Variants in ZBTB20 observed in about 807,000 individuals in gnomAD.
The protein encoded by ZBTB20 is zinc finger and BTB domain containing 20, also known as zinc finger and BTB domain-containing protein 20.
In ZBTB20, 9 loss-of-function variants were observed where a neutral mutation model predicts 56.9. The ratio of observed to expected loss-of-function variants is 0.16; its 90% CI spans 0.10 to 0.28. The LOEUF is 0.28. Ranked by LOEUF, ZBTB20 falls within the 10% of genes least tolerant of loss-of-function variation. ZBTB20 has a pLI of 1.00. For missense variants in ZBTB20, 655 were observed against 1,003.0 expected, an observed-to-expected ratio of 0.65 and a Z score of 4.69; for synonymous variants, 417 against 420.7, an observed-to-expected ratio of 0.99 and a Z score of 0.11.
chr3:114,368,181 C>T lies in ZBTB20; in HGVS notation c.199+12036G>A, dbSNP rs550482679. Among the ~76,000 whole-genome samples, 3 of 152,232 alleles carry T rather than the reference C, an allele frequency of 2.0e-5. No homozygotes were observed. The South Asian group carries it at 6.2e-4, about 32-fold the overall frequency. On this transcript the variant is annotated intron_variant, in intron 10 of 11. Transcript: ENST00000675478. ...ATGAGATGCATACTATTTTTATTCT[C>T]ATTATGCAATTATGCACATGAGGAA...
At chr3:114,851,339 T>C (rs2074990033) in intron 4 of ZBTB20, among the ~76,000 whole-genome samples, 1 of 152,190 alleles carries the variant, frequency 6.6e-6, no homozygotes. Context: ...ATACACACAA[T>C]TTATTTATTT....
chr3:114,938,049 C>T (rs183838805), intron 3 of ZBTB20, among the ~76,000 whole-genome samples: 11 of 151,880 alleles, frequency 7.2e-5, no homozygotes, highest in African/African-American at 1.2e-4. Flanking sequence ...ACCCAGGAGG[C>T]GGAGCTTGCA....
intron 2 of ZBTB20, among the ~76,000 whole-genome samples, chr3:115,053,294 T>C (rs79845787): frequency 0.031 from 4,788 of 152,308 alleles, 102 homozygotes; most frequent in Non-Finnish European, 0.053. Context: ...AACAGTTTCT[T>C]GTTTGTTTGT....
At chr3:114,358,271 CT>C (rs1272960712) in intron 10 of ZBTB20, among the ~76,000 whole-genome samples, 5 of 152,130 alleles carry the variant, frequency 3.3e-5, no homozygotes, top group African/African-American at 9.7e-5. Context: ...TTCCTTTTTG[CT>C]GTCATACCAC....
At chr3:115,146,843 AG>A (rs2084997755) in intron 1 of ZBTB20, among the ~76,000 whole-genome samples, 1 of 151,532 alleles carries the variant, frequency 6.6e-6, no homozygotes, top group South Asian at 2.1e-4. Flanking sequence ...GGGAGTAGAG[AG>A]AAGAAGGCAG....
chr3:115,007,505 T>C (rs1171919128), intron 2 of ZBTB20, among the ~76,000 whole-genome samples: 2 of 151,886 alleles, frequency 1.3e-5, no homozygotes, highest in African/African-American at 4.8e-5. Flanking sequence ...CTATTACTTA[T>C]CCCTTTTTCT....
intron 5 of ZBTB20, among the ~76,000 whole-genome samples, chr3:114,792,339 G>A (rs923493651): frequency 6.6e-6 from 1 of 152,028 alleles, no homozygotes; most frequent in Non-Finnish European, 1.5e-5. Flanking sequence ...AGAGTAAGGT[G>A]GTGCCAAAGA....
At chr3:114,855,957 C>T (rs988027387) in intron 4 of ZBTB20, among the ~76,000 whole-genome samples, 5 of 152,148 alleles carry the variant, frequency 3.3e-5, no homozygotes, top group African/African-American at 7.2e-5. Flanking sequence ...CTTAACGTGA[C>T]CTTCCTAGCA....
chr3:114,616,176 T>C (rs2669892), intron 6 of ZBTB20, among the ~76,000 whole-genome samples: 42,796 of 152,078 alleles, frequency 0.28, 7,542 homozygotes, highest in African/African-American at 0.49. Context: ...CGATTTCAAT[T>C]CTACCATAAT....
chr3:114,868,983 G>C (rs1014611345), intron 4 of ZBTB20, among the ~76,000 whole-genome samples: 2 of 151,916 alleles, frequency 1.3e-5, no homozygotes, highest in Non-Finnish European at 2.9e-5. Context: ...AAATATCTTT[G>C]CTCCATAAAG....
intron 6 of ZBTB20, among the ~76,000 whole-genome samples, chr3:114,618,307 T>A (rs1361473362): frequency 6.7e-6 from 1 of 148,618 alleles, no homozygotes; most frequent in East Asian, 2.0e-4. Flanking sequence ...TGGAGTATAG[T>A]GGTGCAATCA....
intron 4 of ZBTB20, among the ~76,000 whole-genome samples, chr3:114,861,971 T>C (rs900720110): frequency 2.6e-5 from 4 of 152,212 alleles, no homozygotes; most frequent in African/African-American, 9.7e-5. Context: ...TCCCTTGCAA[T>C]TTTATATCAC....
intron 7 of ZBTB20, among the ~76,000 whole-genome samples, chr3:114,447,755 G>A (rs2091355774): frequency 6.6e-6 from 1 of 152,130 alleles, no homozygotes; most frequent in Non-Finnish European, 1.5e-5. Context: ...ATCATAGTGT[G>A]TACCCTATAG....
At chr3:114,659,542 A>G (rs933705299) in intron 6 of ZBTB20, among the ~76,000 whole-genome samples, 2 of 152,124 alleles carry the variant, frequency 1.3e-5, no homozygotes, top group African/African-American at 2.4e-5. Context: ...TCTGGGTCCA[A>G]ATGTTTAAAA....
intron 11 of ZBTB20, among the ~76,000 whole-genome samples, chr3:114,346,168 G>T (rs890687902): frequency 2.6e-5 from 4 of 152,136 alleles, no homozygotes; most frequent in Non-Finnish European, 2.9e-5. Context: ...AAAAATTCTT[G>T]TTATGAAGAA....
chr3:114,384,446 G>C (rs1041565414), intron 8 of ZBTB20, among the ~76,000 whole-genome samples: 1 of 151,500 alleles, frequency 6.6e-6, no homozygotes, highest in Non-Finnish European at 1.5e-5. Context: ...CGCCACACTG[G>C]TGGAGCTCTG....
At chr3:114,463,803 T>C (rs550976089) in intron 7 of ZBTB20, among the ~76,000 whole-genome samples, 1 of 152,340 alleles carries the variant, frequency 6.6e-6, no homozygotes, top group South Asian at 2.1e-4. Flanking sequence ...TTAACCAAAA[T>C]TGAATTTCGC....
chr3:114,707,856 T>G (rs1213853781), intron 5 of ZBTB20, among the ~76,000 whole-genome samples: 2 of 152,196 alleles, frequency 1.3e-5, no homozygotes, highest in Non-Finnish European at 2.9e-5. Flanking sequence ...ACAAGTATCC[T>G]GTAGTCTGCT....
intron 6 of ZBTB20, among the ~76,000 whole-genome samples, chr3:114,627,604 C>A (rs1334145826): frequency 6.6e-6 from 1 of 152,154 alleles, no homozygotes; most frequent in East Asian, 1.9e-4. Flanking sequence ...CCAATCTACA[C>A]CTGGAGATGA....
Sources: allele counts gnomAD v4.1 joint callset (sites outside exome capture counted in the v4.1 genomes callset), GRCh38; gene constraint gnomAD v4.1.1; transcripts MANE v1.5; gene names NCBI Gene and HGNC (gene_info 2026-07-23, HGNC 2026-07-21).